ADGRL4: variants seen among roughly 807,000 people sequenced by gnomAD.
ADGRL4 encodes EGF, latrophilin and seven transmembrane domain containing 1.
ADGRL4 carries 90 observed loss-of-function variants against 74.8 expected under a neutral mutation model. That is an observed-to-expected ratio of 1.20 (90% confidence interval 1.02 to 1.43). The LOEUF (loss-of-function observed/expected upper bound fraction) is 1.43, where lower values mean the gene tolerates loss of function less well. Among genes scored for constraint, ADGRL4 ranks in the 40% most tolerant of loss-of-function variants. The pLI is 0.00. For missense variants in ADGRL4, 881 were observed against 814.3 expected (o/e 1.08, Z -1.00); for synonymous variants, 311 against 279.2 (o/e 1.11, Z -1.14).
At chr1:78,924,585 C>T (rs1314788682) in intron 8 of ADGRL4, among the ~76,000 whole-genome samples, 1 of 151,944 alleles carries the variant, frequency 6.6e-6, no homozygotes, top group Non-Finnish European at 1.5e-5. Flanking sequence ...GTCTCCAAGA[C>T]AACAAACTGG....
chr1:78,931,960 A>T (rs2352516), intron 7 of ADGRL4, among the ~76,000 whole-genome samples: 25,851 of 151,282 alleles, frequency 0.17, 2,626 homozygotes, highest in Admixed American at 0.25. Flanking sequence ...AGAGACTTAG[A>T]CTCCCATCCA....
chr1:78,934,527 T>C (rs1215229008), intron 7 of ADGRL4, among the ~76,000 whole-genome samples: 4 of 151,990 alleles, frequency 2.6e-5, no homozygotes, highest in Admixed American at 2.6e-4. Context: ...CAAAAACAGT[T>C]GCTACAAAAG....
chr1:79,001,250 G>A (rs1650838891), intron 2 of ADGRL4, among the ~76,000 whole-genome samples: 1 of 149,952 alleles, frequency 6.7e-6, no homozygotes, highest in South Asian at 2.1e-4. Context: ...AGGGAGGAAG[G>A]AAGGTATGAA....
At chr1:78,913,704 C>A (rs1456581620) in intron 12 of ADGRL4, among the ~76,000 whole-genome samples, 1 of 151,678 alleles carries the variant, frequency 6.6e-6, no homozygotes, top group Non-Finnish European at 1.5e-5. Flanking sequence ...ATGAAATAAT[C>A]CATACAACAA....
chr1:78,997,214 T>C (rs1433042591), intron 2 of ADGRL4, among the ~76,000 whole-genome samples: 1 of 152,126 alleles, frequency 6.6e-6, no homozygotes, highest in East Asian at 1.9e-4. Context: ...AAAAGGGGAA[T>C]GGTACTGAGG....
chr1:78,953,015 A>G lies in ADGRL4; in HGVS notation c.173-6589T>C, dbSNP rs537321538. Among the ~76,000 whole-genome samples, 4 of 152,272 alleles carry G rather than the reference A, an allele frequency of 2.6e-5. No individual in the cohort carries two copies. In the East Asian group the frequency reaches 7.7e-4, roughly 29 times the overall value. On this transcript the variant is annotated intron_variant, in intron 2 of 14. Coordinates refer to ENST00000370742, the MANE Select transcript of ADGRL4 (RefSeq NM_022159.4). ...TAAGAAAATGTTCCCGTTTTATATT[A>G]TTATCATTTTTTGGTCCTCTTTGTC...
At chr1:78,977,413 T>C (rs1650307279) in intron 2 of ADGRL4, among the ~76,000 whole-genome samples, 3 of 151,908 alleles carry the variant, frequency 2.0e-5, no homozygotes, top group African/African-American at 4.8e-5. Context: ...TAGAAATTTA[T>C]GAAACTCAGA....
chr1:78,999,165 T>A (rs1282672228), intron 2 of ADGRL4, among the ~76,000 whole-genome samples: 2 of 152,180 alleles, frequency 1.3e-5, no homozygotes, highest in African/African-American at 4.8e-5. Flanking sequence ...AAATTGGGAC[T>A]ATAGACAACT....
intron 2 of ADGRL4, among the ~76,000 whole-genome samples, chr1:78,950,669 C>T (rs1649704643): frequency 6.6e-6 from 1 of 151,974 alleles, no homozygotes; most frequent in Non-Finnish European, 1.5e-5. Flanking sequence ...TAGCTACATG[C>T]AAATTTTTAT....
At chr1:78,960,847 T>G (rs981709585) in intron 2 of ADGRL4, among the ~76,000 whole-genome samples, 2 of 152,192 alleles carry the variant, frequency 1.3e-5, no homozygotes, top group Non-Finnish European at 2.9e-5. Context: ...TCTGCAGTGC[T>G]TTGATCGTAG....
At chr1:78,905,663 A>G (rs1570216234) in intron 12 of ADGRL4, among the ~76,000 whole-genome samples, 2 of 152,046 alleles carry the variant, frequency 1.3e-5, no homozygotes, top group East Asian at 3.9e-4. Flanking sequence ...GTCCACAAGG[A>G]CAAAGACTAT....
chr1:78,909,463 A>G (rs752653335), intron 12 of ADGRL4, among the ~76,000 whole-genome samples: 4 of 151,872 alleles, frequency 2.6e-5, no homozygotes, highest in Non-Finnish European at 5.9e-5. Flanking sequence ...TGCTACTGGC[A>G]TCTAGTGAGT....
chr1:78,918,100 T>C, intron 10 of ADGRL4, 50 bp from the exon 11 acceptor site: 1 of 1,453,772 alleles, frequency 6.9e-7, no homozygotes, highest in Non-Finnish European at 9.5e-7. Context: ...TGTTTTAAAA[T>C]TATCATAACA....
intron 2 of ADGRL4, among the ~76,000 whole-genome samples, chr1:78,987,378 G>A (rs1650519371): frequency 6.6e-6 from 1 of 151,704 alleles, no homozygotes; most frequent in African/African-American, 2.4e-5. Flanking sequence ...GGTTTGGGGT[G>A]TTTTGTAATG....
At chr1:78,905,140 T>G (rs2100658169) in intron 12 of ADGRL4, among the ~76,000 whole-genome samples, 1 of 152,214 alleles carries the variant, frequency 6.6e-6, no homozygotes, top group Admixed American at 6.5e-5. Flanking sequence ...CTTTCAGGAC[T>G]TTCTTCTAAA....
chr1:78,906,573 A>C (rs1648639987), intron 12 of ADGRL4, among the ~76,000 whole-genome samples: 3 of 152,044 alleles, frequency 2.0e-5, no homozygotes, highest in African/African-American at 7.2e-5. Flanking sequence ...GAGCATTTAC[A>C]ACAATGTAAA....
chr1:78,928,950 T>A (rs1410204552), intron 7 of ADGRL4, among the ~76,000 whole-genome samples: 2 of 151,556 alleles, frequency 1.3e-5, no homozygotes. Context: ...AATGAACTCC[T>A]TAGAGAATCA....
chr1:78,961,498 G>A (rs1420619418), intron 2 of ADGRL4, among the ~76,000 whole-genome samples: 1 of 152,124 alleles, frequency 6.6e-6, no homozygotes, highest in Non-Finnish European at 1.5e-5. Context: ...GGTCATGAAA[G>A]ACAGTTTGAA....
intron 3 of ADGRL4, among the ~76,000 whole-genome samples, chr1:78,940,162 G>C (rs1283857173): frequency 6.6e-6 from 1 of 151,970 alleles, no homozygotes; most frequent in Non-Finnish European, 1.5e-5. Flanking sequence ...TTGTTTTCTA[G>C]TATTAAACTA....
Sources: allele counts gnomAD v4.1 joint callset (sites outside exome capture counted in the v4.1 genomes callset), GRCh38; gene constraint gnomAD v4.1.1; transcripts MANE v1.5; gene names NCBI Gene and HGNC (gene_info 2026-07-23, HGNC 2026-07-21).